Variants in EYS observed in about 807,000 individuals in gnomAD.
EYS encodes EGF-like photoreceptor maintenance factor, also known as protein eyes shut homolog.
A neutral mutation model predicts 282.1 loss-of-function variants in EYS; 250 were observed. That is an observed-to-expected ratio of 0.89 (90% CI 0.80 to 0.98). The LOEUF is 0.98. Among genes scored for constraint, EYS ranks in the 50% least tolerant of loss-of-function variants. The probability of loss-of-function intolerance (pLI) is 0.00; values close to 1 mark genes in which losing one functional copy is unlikely to be tolerated. For missense variants in EYS, 4,016 were observed against 3,709.0 expected, an observed-to-expected ratio of 1.08 and a Z score of -2.15; for synonymous variants, 1,355 against 1,282.9, an observed-to-expected ratio of 1.06 and a Z score of -1.20.
intron 12 of EYS, among the ~76,000 whole-genome samples, chr6:65,148,447 C>T (rs1764531816): frequency 1.3e-5 from 2 of 152,126 alleles, no homozygotes; most frequent in Non-Finnish European, 1.5e-5. Context: ...ACATCCAGGG[C>T]ATACTGATGC....
At chr6:64,028,586 C>T (rs1769653200) in intron 33 of EYS, among the ~76,000 whole-genome samples, 1 of 152,208 alleles carries the variant, frequency 6.6e-6, no homozygotes, top group Admixed American at 6.5e-5. Flanking sequence ...TTCCCCTGCA[C>T]TCTGAGTCCC....
At chr6:65,352,811 C>T (rs1482059516) in intron 9 of EYS, among the ~76,000 whole-genome samples, 3 of 151,838 alleles carry the variant, frequency 2.0e-5, no homozygotes, top group Non-Finnish European at 2.9e-5. Flanking sequence ...AAATATCTAA[C>T]CCAGCATTTT....
chr6:64,859,555 G>C (rs1287070715), intron 19 of EYS, among the ~76,000 whole-genome samples: 1 of 151,972 alleles, frequency 6.6e-6, no homozygotes, highest in Non-Finnish European at 1.5e-5. Flanking sequence ...TGAATCATGG[G>C]GACAGGTCTT....
At chr6:65,091,532 G>T (rs1278847582) in intron 12 of EYS, among the ~76,000 whole-genome samples, 1 of 151,894 alleles carries the variant, frequency 6.6e-6, no homozygotes, top group Admixed American at 6.6e-5. Context: ...CATGTATTTT[G>T]TTACGATTAA....
At chr6:65,098,966 G>A (rs1276854345) in intron 12 of EYS, among the ~76,000 whole-genome samples, 2 of 150,550 alleles carry the variant, frequency 1.3e-5, no homozygotes, top group Non-Finnish European at 3.0e-5. Flanking sequence ...CTTTGTATTT[G>A]CAGAAACACC....
chr6:64,665,540 C>T (rs909562787), intron 22 of EYS, among the ~76,000 whole-genome samples: 5 of 151,930 alleles, frequency 3.3e-5, no homozygotes, highest in African/African-American at 7.3e-5. Flanking sequence ...TCAAAATTAT[C>T]GTTATGCTAA....
chr6:64,006,131 C>A (rs986558241), intron 33 of EYS, among the ~76,000 whole-genome samples: 1 of 152,032 alleles, frequency 6.6e-6, no homozygotes, highest in Non-Finnish European at 1.5e-5. Context: ...TTGTTTGGGT[C>A]ATCTCCAATT....
At chr6:63,832,003 G>A (rs1189608899) in intron 36 of EYS, among the ~76,000 whole-genome samples, 3 of 152,138 alleles carry the variant, frequency 2.0e-5, no homozygotes, top group African/African-American at 7.2e-5. Flanking sequence ...AAATAAAGAT[G>A]TTCTTTGAAA....
At chr6:64,530,162 T>G (rs1764281541) in intron 26 of EYS, among the ~76,000 whole-genome samples, 1 of 152,148 alleles carries the variant, frequency 6.6e-6, no homozygotes, top group South Asian at 2.1e-4. Context: ...TGCTTCAGTA[T>G]AATTATCTAA....
At chr6:64,890,064 T>C (rs1252361735) in intron 18 of EYS, among the ~76,000 whole-genome samples, 1 of 141,780 alleles carries the variant, frequency 7.1e-6, no homozygotes, top group African/African-American at 2.9e-5. Context: ...CCCCAAGGTG[T>C]GCCCATCTCT....
In EYS at chr6:65,267,811, C is replaced by A. The variant is rs1261544606; in HGVS notation, c.2023+28052G>T. On this transcript the variant is annotated intron_variant, in intron 12 of 42. Transcript: ENST00000503581. ...CAAGCAAATGGAAATCTGTTTCCTG[C>A]AAAGTATGAAATATTTTAAATTTTT... Among the ~76,000 whole-genome samples the A allele has an allele frequency of 3.3e-5, 5 of 151,858 alleles. No individual in the cohort carries two copies. The East Asian group carries it at 7.7e-4, about 23-fold the overall frequency.
chr6:64,959,779 G>A lies in EYS; in HGVS notation c.2260-13865C>T, dbSNP rs191721509. ...ATTGTGCCAAGTATTCTGACCAGAT[G>A]TCTAAGGTGTTCCTAGTGATTGGTT... is the stretch of plus-strand genomic sequence containing the variant. On this transcript the variant is annotated intron_variant, in intron 14 of 42. Coordinates refer to ENST00000503581, the MANE Select transcript of EYS (RefSeq NM_001142800.2). Among the ~76,000 whole-genome samples the A allele has an allele frequency of 2.6e-5, 4 of 151,758 alleles. No homozygotes were observed. In the East Asian group the frequency reaches 7.8e-4, roughly 29 times the overall value.
At chr6:65,012,571 A>G (rs576586269) in intron 13 of EYS, among the ~76,000 whole-genome samples, 176 of 152,274 alleles carry the variant, frequency 1.2e-3, no homozygotes, top group African/African-American at 4.2e-3. Flanking sequence ...ATAAGGGATA[A>G]AGGTTTCAAA....
chr6:64,880,450 C>T (rs1766878612), intron 19 of EYS, among the ~76,000 whole-genome samples: 1 of 151,720 alleles, frequency 6.6e-6, no homozygotes, highest in South Asian at 2.1e-4. Flanking sequence ...TAGTAAGGAA[C>T]TATTTCATCT....
intron 12 of EYS, among the ~76,000 whole-genome samples, chr6:65,209,213 A>G (rs1766111849): frequency 6.6e-6 from 1 of 151,764 alleles, no homozygotes. Flanking sequence ...TAAATCAGGT[A>G]GTAAAATGTA....
At chr6:65,512,103 T>C (rs552960702) in intron 2 of EYS, among the ~76,000 whole-genome samples, 33 of 152,134 alleles carry the variant, frequency 2.2e-4, no homozygotes, top group Admixed American at 3.9e-4. Context: ...CACCTTCAGG[T>C]TACCATTTCT....
intron 16 of EYS, among the ~76,000 whole-genome samples, chr6:64,903,015 A>T (rs923392825): frequency 6.6e-6 from 1 of 151,722 alleles, no homozygotes; most frequent in Admixed American, 6.6e-5. Context: ...CAGTTATATT[A>T]AAAAAAATGA....
intron 19 of EYS, among the ~76,000 whole-genome samples, chr6:64,859,926 G>T (rs1249617439): frequency 6.6e-6 from 1 of 152,068 alleles, no homozygotes; most frequent in African/African-American, 2.4e-5. Context: ...TCTTAGCATG[G>T]TATATCTTTT....
intron 28 of EYS, among the ~76,000 whole-genome samples, chr6:64,425,715 A>C (rs1340199798): frequency 2.0e-5 from 3 of 151,620 alleles, no homozygotes; most frequent in Non-Finnish European, 4.4e-5. Flanking sequence ...GAGGTGACAG[A>C]GAAAAAATAA....
Sources: allele counts gnomAD v4.1 joint callset (sites outside exome capture counted in the v4.1 genomes callset), GRCh38; gene constraint gnomAD v4.1.1; transcripts MANE v1.5; gene names NCBI Gene and HGNC (gene_info 2026-07-23, HGNC 2026-07-21).